The following SRCAP variants were observed in gnomAD, a reference collection of about 807,000 sequenced individuals.
SRCAP encodes chromatin remodeling protein SRCAP.
Under a neutral mutation model 263.1 loss-of-function variants are expected in SRCAP, and 46 were observed. The observed-to-expected ratio is 0.17, with a 90% CI of 0.14 to 0.22. SRCAP has a LOEUF of 0.22. Ranked by LOEUF, SRCAP falls within the 10% of genes least tolerant of loss-of-function variation. The probability of loss-of-function intolerance (pLI) is 1.00; values close to 1 mark genes in which losing one functional copy is unlikely to be tolerated. For missense variants in SRCAP, 3,695 were observed against 4,181.9 expected, an observed-to-expected ratio of 0.88 and a Z score of 3.21; for synonymous variants, 1,813 against 1,662.1, an observed-to-expected ratio of 1.09 and a Z score of -2.21.
intron 18 of SRCAP, among the ~76,000 whole-genome samples, chr16:30,719,534 G>A (rs1308073336): frequency 2.6e-5 from 4 of 151,384 alleles, no homozygotes; most frequent in Non-Finnish European, 5.9e-5. Context: ...TTAATTTTGA[G>A]GCAGGGTCTT....
In SRCAP at chr16:30,738,366, A is replaced by G. The variant is rs1297180997; in HGVS notation, c.8326A>G (p.Thr2776Ala). 1 of 1,562,268 alleles carries G rather than the reference A, an allele frequency of 6.4e-7. No individual in the cohort carries two copies. Among genetic ancestry groups the G allele is most frequent in the Non-Finnish European group, 8.7e-7 (1 of 1,154,454 alleles). Reference protein sequence around the residue: ...RRRQQRGAASTLVPGVSETSA... With the variant: ...RRRQQRGAASALVPGVSETSA... The stretch of plus-strand genomic sequence containing the variant: ...GCGGCAGCAGCGGGGAGCTGCCAGC[A>G]CCCTAGTGCCTGGGGTCTCTGAGAC... The change falls in exon 34 of 34, where the codon ACC (threonine) becomes GCC (alanine). Residue 2776 changes from threonine to alanine, a missense_variant. By Grantham distance (58) the Thr-to-Ala change is moderately conservative. Transcript: ENST00000262518.
chr16:30,737,968 C>T lies in SRCAP; in HGVS notation c.7928C>T (p.Pro2643Leu). 5 of 1,614,118 alleles carry T rather than the reference C, an allele frequency of 3.1e-6. No homozygotes were observed. Among genetic ancestry groups the T allele is most frequent in the South Asian group, 1.1e-5 (1 of 91,084 alleles). Reference protein sequence around the residue: ...LTVLPEGEELPLCVSESNGLE... With the variant: ...LTVLPEGEELLLCVSESNGLE... ...GTGCTGCCTGAAGGTGAGGAGTTGC[C>T]CCTGTGTGTGAGTGAGAGCAATGGC... is the stretch of plus-strand genomic sequence containing the variant. Residue 2643 changes from proline (P) to leucine (L), a missense_variant, in exon 34 of 34, where the codon CCC becomes CTC. By Grantham distance (98) the Pro-to-Leu change is moderately conservative. Around this residue, in one of 12 missense-constraint regions of SRCAP, gnomAD observed 1,207 missense variants for 1,142.9 expected, o/e 1.06. Coordinates refer to ENST00000262518, the MANE Select transcript of SRCAP (RefSeq NM_006662.3).
chr16:30,720,071 T>C (rs530627018), intron 18 of SRCAP, 91 bp from the exon 19 acceptor site: 1 of 1,419,414 alleles, frequency 7.0e-7, no homozygotes, highest in African/African-American at 1.4e-5. Context: ...CTGTGTTAAT[T>C]CACTTAAGGA....
rs78465857 is a variant in SRCAP, at chr16:30,739,673, C to T, written c.9633C>T (p.Ser3211=). 3.6e-5 allele frequency: 56 copies of T among 1,563,784 alleles called. No homozygotes were observed. The highest frequency in any genetic ancestry group is 1.6e-4 in the Admixed American group (8 of 51,596). Residue 3211 remains serine, a synonymous_variant, in exon 34 of 34, where the codon AGC becomes AGT. Transcript: ENST00000262518. ...GGGACCAGCGCATCCTGCGCAGCAGCGCCCCTCCCTCCCTGGCTGGCCCTG... is the reference window on the plus strand; with the variant it reads ...GGGACCAGCGCATCCTGCGCAGCAGTGCCCCTCCCTCCCTGGCTGGCCCTG... ...NQGDQRILRS[S]APPSLAGPAV...
rs2052747281 is a variant in SRCAP, at chr16:30,699,970, C to T, written c.-221C>T. 1 of 152,240 alleles carries T rather than the reference C, an allele frequency of 6.6e-6. No individual in the cohort carries two copies. The highest frequency in any genetic ancestry group is 2.1e-4 in the South Asian group (1 of 4,832). The allele number at this position is 152,240 out of a possible 1,614,324, so 9.4% of individuals were successfully genotyped here. On this transcript the variant is annotated 5_prime_UTR_variant, in exon 2 of 34. Transcript: ENST00000262518. ...CAGACTTTCACAGGGGGTGTGGTCT[C>T]AGCTCACACAGGTGAGGGATCTGCT...
intron 18 of SRCAP, among the ~76,000 whole-genome samples, chr16:30,719,820 T>G (rs2052992373): frequency 6.6e-6 from 1 of 152,108 alleles, no homozygotes; most frequent in East Asian, 1.9e-4. Context: ...AGCCTTTTAT[T>G]TTGGAGTAAG....
Position 30,707,218 on chromosome 16 carries a change from G to A in SRCAP, c.342G>A (p.Arg114=). The A allele has an allele frequency of 6.2e-7, 1 of 1,614,190 alleles. No homozygotes were observed. Among genetic ancestry groups the A allele is most frequent in the Non-Finnish European group, 8.5e-7 (1 of 1,180,032 alleles). Reference sequence around the variant, plus strand: ...TCGAGACTCGGATTGCTGAGCTGCGGAAGGAGGGTTTCTGGTCACTGAAGA... The same window carrying A: ...TCGAGACTCGGATTGCTGAGCTGCGAAAGGAGGGTTTCTGGTCACTGAAGA... ...AEIETRIAEL[R]KEGFWSLKRL... The change falls in exon 5 of 34, where the codon CGG becomes CGA. Residue 114 remains arginine (R), a synonymous_variant. Transcript: ENST00000262518.
chr16:30,722,612 C>T lies in SRCAP; in HGVS notation c.3756C>T (p.Ser1252=). The T allele has an allele frequency of 6.2e-7, 1 of 1,614,158 alleles. No homozygotes were observed. Among genetic ancestry groups the T allele is most frequent in the East Asian group, 2.2e-5 (1 of 44,872 alleles). ...VSAGGQHHLI[S]QPAHVALIQA... ...CAGGGGGGCAGCACCATCTCATCAGCCAGCCTGCCCATGTGGCCCTCATCC... is the reference window on the plus strand; with the variant it reads ...CAGGGGGGCAGCACCATCTCATCAGTCAGCCTGCCCATGTGGCCCTCATCC... Residue 1252 remains serine (S), a synonymous_variant, in exon 23 of 34, where the codon AGC becomes AGT. Transcript: ENST00000262518.
chr16:30,737,208 A>T lies in SRCAP; in HGVS notation c.7168A>T (p.Arg2390Trp). 1 of 1,614,020 alleles carries T rather than the reference A, an allele frequency of 6.2e-7. No individual in the cohort carries two copies. The highest frequency in any genetic ancestry group is 8.5e-7 in the Non-Finnish European group (1 of 1,180,000). ...RRSKKAKAPE[R>W]PGTRVSERLR... ...CAGTAAAAAGGCCAAAGCCCCTGAGAGGCCGGGGACTCGTGTCAGTGAGCG... is the reference window on the plus strand; with the variant it reads ...CAGTAAAAAGGCCAAAGCCCCTGAGTGGCCGGGGACTCGTGTCAGTGAGCG... Residue 2390 changes from arginine to tryptophan, a missense_variant, in exon 34 of 34, where the codon AGG becomes TGG. This residue lies in a region of SRCAP where 1,207 missense variants were observed against 1,142.9 expected (regional missense o/e 1.06). Transcript: ENST00000262518.
At chr16:30,734,743 T>C in intron 31 of SRCAP, 128 bp downstream of exon 31, 1 of 1,408,608 alleles carries the variant, frequency 7.1e-7, no homozygotes, top group East Asian at 2.4e-5. Flanking sequence ...CAGTCAGCCT[T>C]TGATAGTTGT....
intron 3 of SRCAP, chr16:30,701,200 A>G (rs560647471): frequency 7.2e-6 from 2 of 276,542 alleles, no homozygotes; most frequent in Non-Finnish European, 1.4e-5. Flanking sequence ...GGAGTAGGAT[A>G]AGCCTATGGA....
rs2053193238 is a variant in SRCAP at position 30,739,042 on chromosome 16, C to A, written c.9002C>A (p.Ser3001Tyr). The A allele has an allele frequency of 1.2e-6, 2 of 1,614,224 alleles. No homozygotes were observed. Among genetic ancestry groups the A allele is most frequent in the South Asian group, 2.2e-5 (2 of 91,084 alleles). ...GTCACCACTGTCACCATTTCAACGT[C>A]CCCACCCAAACGGAAGAGGGGCCGA... is the stretch of plus-strand genomic sequence containing the variant. The part of the protein sequence containing the change: ...NTVTTVTIST[S>Y]PPKRKRGRPP... Residue 3001 changes from serine (S) to tyrosine (Y), a missense_variant, in exon 34 of 34, where the codon TCC (serine) becomes TAC (tyrosine). Coordinates refer to ENST00000262518, the MANE Select transcript of SRCAP (RefSeq NM_006662.3).
rs1484499267 is a variant in SRCAP, at chr16:30,733,976, G to A, written c.6577G>A (p.Gly2193Arg). 4.3e-6 allele frequency: 7 copies of A among 1,612,490 alleles called. No individual in the cohort carries two copies. The highest frequency in any genetic ancestry group is 5.1e-6 in the Non-Finnish European group (6 of 1,179,218). The change falls in exon 30 of 34, where the codon GGA (glycine) becomes AGA (arginine). Residue 2193 changes from glycine to arginine, a missense_variant. Physicochemically the swap from Gly to Arg is moderately radical, Grantham distance 125. Around this residue, in one of 12 missense-constraint regions of SRCAP, gnomAD observed 138 missense variants for 254.9 expected, o/e 0.54. Transcript: ENST00000262518. This position sits in a 1 kb window ranked among gnomAD's most constrained non-coding sequence, Gnocchi z 5.3. The part of the protein sequence containing the change: ...KRMLGDMAIE[G>R]GNFTTAYFKQ... Reference sequence around the variant, plus strand: ...AATGTTGGGGGACATGGCCATTGAGGGAGGCAACTTCACCACAGCCTATTT... The same window carrying A: ...AATGTTGGGGGACATGGCCATTGAGAGAGGCAACTTCACCACAGCCTATTT...
In SRCAP at chr16:30,737,036, C is replaced by T. The variant is rs554048386; in HGVS notation, c.7009-13C>T. The stretch of plus-strand genomic sequence containing the variant: ...TGCCTCCTCCTGACCACTTTTGGAC[C>T]CTGTTGTTGTAGGAGCAAGTGGAAG... On this transcript the variant is annotated splice_polypyrimidine_tract_variant and intron_variant, in intron 33 of 33. Coordinates refer to ENST00000262518, the MANE Select transcript of SRCAP (RefSeq NM_006662.3). The T allele has an allele frequency of 1.3e-6, 2 of 1,568,768 alleles. No homozygotes were observed. Among genetic ancestry groups the T allele is most frequent in the South Asian group, 1.2e-5 (1 of 82,884 alleles).
intron 10 of SRCAP, 94 bp from the exon 11 acceptor site, chr16:30,711,477 T>C (rs2052890362): frequency 7.5e-7 from 1 of 1,327,470 alleles, no homozygotes; most frequent in Non-Finnish European, 1.0e-6. Context: ...CCTAGCAGTA[T>C]CTACAGAGAC....
chr16:30,725,338 A>C, intron 25 of SRCAP: 1 of 532,636 alleles, frequency 1.9e-6, no homozygotes. Context: ...CCGTTTTTTA[A>C]CCCGCACGGT....
chr16:30,720,015 A>T, intron 18 of SRCAP, 147 bp from the exon 19 acceptor site: 1 of 811,606 alleles, frequency 1.2e-6, no homozygotes, highest in Non-Finnish European at 2.0e-6. Flanking sequence ...CCCAATGTTT[A>T]GCTCCCACTT....
Position 30,720,518 on chromosome 16 carries a change from G to A in SRCAP, c.2987+187G>A, listed in dbSNP as rs77951322. 1.7e-4 allele frequency among the ~76,000 whole-genome samples: 26 copies of A among 152,298 alleles called. No individual in the cohort carries two copies. The East Asian group carries it at 5.0e-3, about 29-fold the overall frequency. Reference sequence around the variant, plus strand: ...GGTACTGGGATGGGCTTCTGTGTTAGTCACTTTTTCTCCCTTTCTCTCTGT... The same window carrying A: ...GGTACTGGGATGGGCTTCTGTGTTAATCACTTTTTCTCCCTTTCTCTCTGT... On this transcript the variant is annotated intron_variant, in intron 19 of 33. Coordinates refer to ENST00000262518, the MANE Select transcript of SRCAP (RefSeq NM_006662.3).
chr16:30,706,654 GTAT>G (rs2052830852), intron 4 of SRCAP, among the ~76,000 whole-genome samples: 1 of 152,122 alleles, frequency 6.6e-6, no homozygotes, highest in Non-Finnish European at 1.5e-5. Flanking sequence ...TACAAAAGTA[GTAT>G]TTTTAAAAAC....
Sources: allele counts gnomAD v4.1 joint callset (sites outside exome capture counted in the v4.1 genomes callset), GRCh38; gene constraint gnomAD v4.1.1; regional missense constraint gnomAD v4.1.1; non-coding constraint Gnocchi (gnomAD v3.1); transcripts MANE v1.5; gene names NCBI Gene and HGNC (gene_info 2026-07-23, HGNC 2026-07-21).